Variants in COL11A1 observed in about 807,000 individuals in gnomAD.
COL11A1 encodes the protein collagen alpha-1(XI) chain.
Under a neutral mutation model 265.2 loss-of-function variants are expected in COL11A1, and 74 were observed. The observed-to-expected ratio is 0.28, with a 90% CI of 0.23 to 0.34. The LOEUF (loss-of-function observed/expected upper bound fraction) is 0.34. Among genes scored for constraint, COL11A1 ranks in the 10% least tolerant of loss-of-function variants. The pLI is 1.00. For missense variants in COL11A1, 2,165 were observed against 2,263.6 expected (o/e 0.96, Z 0.88); for synonymous variants, 816 against 727.6 (o/e 1.12, Z -1.96).
chr1:102,905,563 C>G (rs957200998), intron 54 of COL11A1, among the ~76,000 whole-genome samples: 2 of 149,730 alleles, frequency 1.3e-5, no homozygotes, highest in South Asian at 2.1e-4. Flanking sequence ...CCAAATACCT[C>G]TTTCTCAGTT....
intron 41 of COL11A1, among the ~76,000 whole-genome samples, chr1:102,953,882 T>C (rs1289286348): frequency 5.3e-5 from 8 of 152,184 alleles, no homozygotes; most frequent in African/African-American, 1.9e-4. Flanking sequence ...ACATTGAAAG[T>C]GCTTAGCTAG....
At chr1:102,931,519 G>A (rs1657442205) in intron 46 of COL11A1, among the ~76,000 whole-genome samples, 1 of 152,066 alleles carries the variant, frequency 6.6e-6, no homozygotes, top group South Asian at 2.1e-4. Context: ...CCAAGTATGT[G>A]GTCAATTTTG....
At chr1:102,950,966 G>C (rs1381790926) in intron 41 of COL11A1, among the ~76,000 whole-genome samples, 2 of 152,068 alleles carry the variant, frequency 1.3e-5, no homozygotes, top group Non-Finnish European at 2.9e-5. Context: ...ACTTCTTCCT[G>C]CTTACTTGTG....
intron 46 of COL11A1, among the ~76,000 whole-genome samples, chr1:102,930,980 T>C (rs773002925): frequency 0.032 from 4,788 of 149,978 alleles, 109 homozygotes; most frequent in Middle Eastern, 0.086. Flanking sequence ...GATTCTTCTC[T>C]CTTTTTTTCT....
intron 30 of COL11A1, 140 bp from the exon 31 acceptor site, chr1:102,984,331 C>T: frequency 1.7e-6 from 1 of 592,524 alleles, no homozygotes; most frequent in Non-Finnish European, 3.0e-6. Flanking sequence ...CATTATTTAC[C>T]TTCATTATAT....
rs747505977 is a variant in COL11A1, at chr1:103,018,807, C to T, written c.1350+11G>A. ...TAAATAGACAAAAATAATCTTAAAA[C>T]ATTTACATACTGCAGGTCCTGCTGG... On this transcript the variant is annotated intron_variant, in intron 10 of 66. Coordinates refer to ENST00000370096, the MANE Select transcript of COL11A1 (RefSeq NM_001854.4). 7 of 1,608,168 alleles carry T rather than the reference C, an allele frequency of 4.4e-6. No individual in the cohort carries two copies. Among genetic ancestry groups the T allele is most frequent in the Non-Finnish European group, 3.4e-6 (4 of 1,175,174 alleles).
At chr1:102,902,346 T>C (rs1167319288) in intron 54 of COL11A1, among the ~76,000 whole-genome samples, 1 of 152,172 alleles carries the variant, frequency 6.6e-6, no homozygotes, top group Non-Finnish European at 1.5e-5. Context: ...TCTTGATTTT[T>C]TAATATTAGC....
At chr1:102,957,708 G>C (rs968998587) in intron 41 of COL11A1, among the ~76,000 whole-genome samples, 1 of 152,024 alleles carries the variant, frequency 6.6e-6, no homozygotes, top group African/African-American at 2.4e-5. Context: ...ATTGTTCACA[G>C]AGATTTAGAA....
rs1056829275 is a variant in COL11A1 at position 102,877,684 on chromosome 1, G to A, written c.*335C>T. On this transcript the variant is annotated 3_prime_UTR_variant, in exon 67 of 67. Transcript: ENST00000370096. ...CTGTTTTAGTACATCCTGGATGGAT[G>A]AGAATGAGCACCATATTTTTTATGA... The A allele has an allele frequency of 3.7e-6, 1 of 270,796 alleles. No individual in the cohort carries two copies. The highest frequency in any genetic ancestry group is 2.2e-5 in the African/African-American group (1 of 44,556). 16.8% of individuals were successfully genotyped at this position (270,796 alleles called of 1,614,324 possible).
At chr1:102,948,653 A>G (rs1002784899) in intron 41 of COL11A1, among the ~76,000 whole-genome samples, 15 of 152,062 alleles carry the variant, frequency 9.9e-5, no homozygotes, top group Admixed American at 9.8e-4. Context: ...TTACCAATGA[A>G]GTATTCCAAA....
chr1:102,972,591 A>C (rs1662068341), intron 36 of COL11A1, among the ~76,000 whole-genome samples: 1 of 152,152 alleles, frequency 6.6e-6, no homozygotes, highest in African/African-American at 2.4e-5. Context: ...AAATAAGCAG[A>C]CTAATTACCA....
chr1:103,083,029 T>C (rs1672540404), intron 1 of COL11A1, 57 bp from the exon 2 acceptor site: 6 of 1,522,266 alleles, frequency 3.9e-6, no homozygotes, highest in African/African-American at 2.8e-5. Context: ...GATATAACAA[T>C]GAGTATTTTT....
At chr1:102,993,420 G>A (rs946444198) in intron 28 of COL11A1, among the ~76,000 whole-genome samples, 1 of 152,036 alleles carries the variant, frequency 6.6e-6, no homozygotes, top group Non-Finnish European at 1.5e-5. Context: ...TTTATTTATA[G>A]CCTACCCACA....
At position 102,894,851 on chromosome 1, in the gene COL11A1, C is replaced by T. The variant is rs551349031; in HGVS notation, c.4302+3274G>A. Among the ~76,000 whole-genome samples, 13 of 152,200 alleles carry T rather than the reference C, an allele frequency of 8.5e-5. No homozygotes were observed. In the South Asian group the frequency reaches 2.7e-3, roughly 32 times the overall value. On this transcript the variant is annotated intron_variant, in intron 57 of 66. Transcript: ENST00000370096. ...AGTGCAATGGTGTGATCTTGGCTTA[C>T]TGAAACCTCCGCCTCCCAGGTTCAA... is the stretch of plus-strand genomic sequence containing the variant.
At chr1:103,042,178 T>G (rs1164311288) in intron 4 of COL11A1, among the ~76,000 whole-genome samples, 1 of 152,078 alleles carries the variant, frequency 6.6e-6, no homozygotes. Flanking sequence ...GGAGGCAAAG[T>G]ATCATGCCGA....
At chr1:102,900,619 T>TA (rs1373215541) in intron 54 of COL11A1, among the ~76,000 whole-genome samples, 2 of 152,130 alleles carry the variant, frequency 1.3e-5, no homozygotes, top group Non-Finnish European at 2.9e-5. Flanking sequence ...ACATGGCTTT[T>TA]AAAAAAGCAA....
In COL11A1 at chr1:103,025,506, GTC is replaced by G; in HGVS notation, c.990+13_990+14del. 1 of 1,539,688 alleles carries G rather than the reference GTC, an allele frequency of 6.5e-7. No individual in the cohort carries two copies. Among genetic ancestry groups the G allele is most frequent in the Non-Finnish European group, 9.0e-7 (1 of 1,112,844 alleles). ...AAAAGTGGGACTGTGATTTAATACT[GTC>G]TATACGTATTACCTCATTTGTCCCA... On this transcript the variant is annotated intron_variant, in intron 7 of 66. Coordinates refer to ENST00000370096, the MANE Select transcript of COL11A1 (RefSeq NM_001854.4).
At chr1:103,048,225 T>C (rs898683741) in intron 4 of COL11A1, among the ~76,000 whole-genome samples, 3 of 152,194 alleles carry the variant, frequency 2.0e-5, no homozygotes, top group Non-Finnish European at 2.9e-5. Context: ...TGTGAATCCA[T>C]CTGGTCCTGG....
At chr1:102,927,518 C>T (rs1451672041) in intron 46 of COL11A1, among the ~76,000 whole-genome samples, 1 of 152,050 alleles carries the variant, frequency 6.6e-6, no homozygotes, top group Non-Finnish European at 1.5e-5. Flanking sequence ...AGATCGAGAC[C>T]ATCCTGGCTA....
Sources: gnomAD v4.1 joint callset for allele counts (sites outside exome capture counted in the v4.1 genomes callset) on GRCh38, gnomAD v4.1.1 for gene constraint, MANE v1.5 for transcripts, NCBI Gene and HGNC (gene_info 2026-07-23, HGNC 2026-07-21) for gene names.